The following KIF26B variants were observed in gnomAD, a reference collection of about 807,000 sequenced individuals.
KIF26B encodes the protein kinesin-like protein KIF26B.
A neutral mutation model predicts 151.2 loss-of-function variants in KIF26B; 63 were observed. The observed-to-expected ratio is 0.42, with a 90% CI of 0.34 to 0.51. The LOEUF is 0.51. Ranked by LOEUF, KIF26B falls within the 20% of genes least tolerant of loss-of-function variation. KIF26B has a pLI of 0.07. For missense variants in KIF26B, 2,813 were observed against 2,913.6 expected, an observed-to-expected ratio of 0.97 and a Z score of 0.79; for synonymous variants, 1,357 against 1,262.1, an observed-to-expected ratio of 1.08 and a Z score of -1.59.
intron 9 of KIF26B, among the ~76,000 whole-genome samples, chr1:245,639,615 T>G (rs1451200050): frequency 6.6e-6 from 1 of 151,882 alleles, no homozygotes. Flanking sequence ...TATAGAACTT[T>G]CCATTAGTGC....
chr1:245,524,102 C>T (rs1661187288), intron 4 of KIF26B, among the ~76,000 whole-genome samples: 2 of 152,150 alleles, frequency 1.3e-5, no homozygotes, highest in African/African-American at 4.8e-5. Context: ...GACACCGGTT[C>T]CTAGACCAGC....
chr1:245,584,088 A>G (rs1397894820), intron 5 of KIF26B, among the ~76,000 whole-genome samples: 1 of 152,146 alleles, frequency 6.6e-6, no homozygotes, highest in African/African-American at 2.4e-5. Flanking sequence ...GCGGGAGGTG[A>G]CTGCATCATG....
intron 12 of KIF26B, among the ~76,000 whole-genome samples, chr1:245,695,822 C>T (rs1163066993): frequency 1.9e-4 from 5 of 26,446 alleles, no homozygotes; most frequent in Non-Finnish European, 6.0e-4. Flanking sequence ...GTGTTTTTAC[C>T]TTCTCTACTC....
At chr1:245,263,463 G>A (rs892856763) in intron 2 of KIF26B, among the ~76,000 whole-genome samples, 3 of 152,184 alleles carry the variant, frequency 2.0e-5, no homozygotes, top group African/African-American at 7.2e-5. Context: ...GCTCTAGTGA[G>A]CAGTTTGCAG....
chr1:245,175,584 G>C (rs887231568), intron 2 of KIF26B, among the ~76,000 whole-genome samples: 1 of 152,120 alleles, frequency 6.6e-6, no homozygotes, highest in East Asian at 1.9e-4. Flanking sequence ...GATTCTTTGA[G>C]ATTCTGTCAA....
chr1:245,290,423 G>A (rs1671236935), intron 2 of KIF26B, among the ~76,000 whole-genome samples: 1 of 152,196 alleles, frequency 6.6e-6, no homozygotes. Flanking sequence ...TCAGAACCGA[G>A]GGTTGCTGGT....
At chr1:245,464,340 CGTGTGTGCATCTGTGG>C (rs1165372016) in intron 4 of KIF26B, among the ~76,000 whole-genome samples, 1 of 151,974 alleles carries the variant, frequency 6.6e-6, no homozygotes, top group African/African-American at 2.4e-5. Flanking sequence ...CCAGTGAGCA[CGTGTGTGCATCTGTGG>C]GTGTGTGCGT....
intron 5 of KIF26B, among the ~76,000 whole-genome samples, chr1:245,598,550 T>C (rs929609761): frequency 6.6e-6 from 1 of 152,118 alleles, no homozygotes; most frequent in African/African-American, 2.4e-5. Context: ...TCACGTGTAG[T>C]GGTCACGGTG....
intron 4 of KIF26B, among the ~76,000 whole-genome samples, chr1:245,442,696 C>T (rs1021002164): frequency 1.0e-3 from 156 of 151,340 alleles, no homozygotes; most frequent in African/African-American, 3.5e-3. Context: ...TCACTGTTCA[C>T]CTAGAGCTGT....
chr1:245,500,021 T>C (rs1470992403), intron 4 of KIF26B, among the ~76,000 whole-genome samples: 1 of 152,244 alleles, frequency 6.6e-6, no homozygotes, highest in Non-Finnish European at 1.5e-5. Context: ...GCTGGATAGC[T>C]ACACATCATC....
intron 4 of KIF26B, among the ~76,000 whole-genome samples, chr1:245,505,141 T>C (rs1206163946): frequency 2.6e-5 from 4 of 151,884 alleles, no homozygotes; most frequent in Admixed American, 2.6e-4. Flanking sequence ...TTTCACCATG[T>C]TGGCCAGGCT....
At chr1:245,385,522 G>T (rs1173266015) in intron 3 of KIF26B, among the ~76,000 whole-genome samples, 1 of 152,184 alleles carries the variant, frequency 6.6e-6, no homozygotes, top group Non-Finnish European at 1.5e-5. Flanking sequence ...GAATGTACAT[G>T]CCTGTTTGTT....
At chr1:245,260,656 G>A (rs560474982) in intron 2 of KIF26B, among the ~76,000 whole-genome samples, 35 of 152,318 alleles carry the variant, frequency 2.3e-4, no homozygotes, top group Non-Finnish European at 3.8e-4. Context: ...GGCAGGAAGA[G>A]GGAAGTACTT....
chr1:245,542,974 G>A (rs1465860270), intron 5 of KIF26B, among the ~76,000 whole-genome samples: 1 of 152,148 alleles, frequency 6.6e-6, no homozygotes, highest in African/African-American at 2.4e-5. Context: ...TTGAAAAGGT[G>A]CCAGATGATC....
intron 9 of KIF26B, among the ~76,000 whole-genome samples, chr1:245,640,122 G>GCTCGCTCT (rs1553299289): frequency 7.4e-5 from 4 of 53,978 alleles, no homozygotes; most frequent in Non-Finnish European, 1.4e-4. Context: ...ACTAATATTT[G>GCTCGCTCT]CTCTCTCTCT....
In KIF26B at chr1:245,244,758, A is replaced by ACACACT. The variant is rs1432773706; in HGVS notation, c.465+88080_465+88081insTCACAC. Among the ~76,000 whole-genome samples the ACACACT allele has an allele frequency of 7.7e-6, 1 of 129,070 alleles. No homozygotes were observed. Among genetic ancestry groups the ACACACT allele is most frequent in the Non-Finnish European group, 1.6e-5 (1 of 64,346 alleles). The allele number at this position is 129,070 out of a possible 152,430, so 84.7% of individuals were successfully genotyped here. Reference sequence around the variant, plus strand: ...AAGGAACACACAGACACGCACACTCACACACACACACACACACACACACAC... The same window carrying ACACACT: ...AAGGAACACACAGACACGCACACTCACACACTCACACACACACACACACACACACAC... On this transcript the variant is annotated intron_variant, in intron 2 of 14. Coordinates refer to ENST00000407071, the MANE Select transcript of KIF26B (RefSeq NM_018012.4). This position sits in a 1 kb window ranked among gnomAD's most constrained non-coding sequence, Gnocchi z 4.2.
chr1:245,608,040 T>C (rs879451929), intron 7 of KIF26B, among the ~76,000 whole-genome samples: 8 of 152,180 alleles, frequency 5.3e-5, no homozygotes, highest in Admixed American at 4.6e-4. Context: ...AAAATATTCA[T>C]TTCCTGAGCA....
At chr1:245,221,423 T>TC (rs1238031398) in intron 2 of KIF26B, among the ~76,000 whole-genome samples, 3 of 151,820 alleles carry the variant, frequency 2.0e-5, no homozygotes, top group African/African-American at 7.3e-5. Flanking sequence ...GCTTTTTTTT[T>TC]TGAGATGGAG....
At chr1:245,578,318 A>T (rs2043145028) in intron 5 of KIF26B, among the ~76,000 whole-genome samples, 1 of 152,122 alleles carries the variant, frequency 6.6e-6, no homozygotes, top group Admixed American at 6.5e-5. Context: ...AGTGAATGGG[A>T]CTCGTTCTCA....
Sources: gnomAD v4.1 joint callset for allele counts (sites outside exome capture counted in the v4.1 genomes callset) on GRCh38, gnomAD v4.1.1 for gene constraint, Gnocchi (gnomAD v3.1) non-coding constraint, MANE v1.5 for transcripts, NCBI Gene and HGNC (gene_info 2026-07-23, HGNC 2026-07-21) for gene names.